Variants in FLRT2 observed in about 807,000 individuals in gnomAD.
FLRT2 encodes the protein leucine-rich repeat transmembrane protein FLRT2.
A neutral mutation model predicts 40.0 loss-of-function variants in FLRT2; 15 were observed. That is an observed-to-expected ratio of 0.38 (90% CI 0.25 to 0.58). FLRT2 has a LOEUF of 0.58. Ranked by LOEUF, FLRT2 falls within the 20% of genes least tolerant of loss-of-function variation. The pLI, the probability that FLRT2 is intolerant of heterozygous loss-of-function variation, is 0.71. For missense variants in FLRT2, 726 were observed against 840.0 expected, an observed-to-expected ratio of 0.86 and a Z score of 1.68; for synonymous variants, 380 against 336.8, an observed-to-expected ratio of 1.13 and a Z score of -1.41.
At chr14:85,568,233 G>C (rs1165038942) in intron 1 of FLRT2, among the ~76,000 whole-genome samples, 1 of 151,616 alleles carries the variant, frequency 6.6e-6, no homozygotes, top group Non-Finnish European at 1.5e-5. Context: ...ATTGCTGGGG[G>C]AAGATCATGG....
chr14:85,558,427 T>C (rs919021014), intron 1 of FLRT2, among the ~76,000 whole-genome samples: 1 of 152,020 alleles, frequency 6.6e-6, no homozygotes, highest in Non-Finnish European at 1.5e-5. Flanking sequence ...GGTGTTCAGG[T>C]GATTTAAAAG....
At chr14:85,579,631 T>A (rs1219502965) in intron 1 of FLRT2, among the ~76,000 whole-genome samples, 1 of 152,152 alleles carries the variant, frequency 6.6e-6, no homozygotes, top group African/African-American at 2.4e-5. Context: ...GGAAATAAAA[T>A]TCTTAGCCCA....
intron 1 of FLRT2, among the ~76,000 whole-genome samples, chr14:85,554,958 A>G (rs1467174904): frequency 6.6e-6 from 1 of 152,202 alleles, no homozygotes; most frequent in East Asian, 1.9e-4. Flanking sequence ...TGTGGATTAA[A>G]GATCTATAAC....
At chr14:85,568,057 G>A (rs1305595131) in intron 1 of FLRT2, among the ~76,000 whole-genome samples, 1 of 152,096 alleles carries the variant, frequency 6.6e-6, no homozygotes, top group African/African-American at 2.4e-5. Flanking sequence ...CAAGAAAGAG[G>A]CCTGACTACT....
intron 1 of FLRT2, among the ~76,000 whole-genome samples, chr14:85,544,326 G>A (rs1157101961): frequency 6.6e-6 from 1 of 152,098 alleles, no homozygotes; most frequent in Non-Finnish European, 1.5e-5. Flanking sequence ...ACCTTTCTTG[G>A]CACTGAGTAA....
At chr14:85,605,190 G>A (rs560605356) in intron 1 of FLRT2, among the ~76,000 whole-genome samples, 1 of 152,194 alleles carries the variant, frequency 6.6e-6, no homozygotes, top group Non-Finnish European at 1.5e-5. Context: ...AGACCATTTA[G>A]GGAGCCCAGA....
chr14:85,540,818 G>A (rs1888944839), intron 1 of FLRT2, among the ~76,000 whole-genome samples: 1 of 152,036 alleles, frequency 6.6e-6, no homozygotes, highest in South Asian at 2.1e-4. Flanking sequence ...GCATAGTTCG[G>A]CAAAATTAAT....
At chr14:85,589,199 C>T (rs932298830) in intron 1 of FLRT2, among the ~76,000 whole-genome samples, 2 of 152,164 alleles carry the variant, frequency 1.3e-5, no homozygotes, top group African/African-American at 2.4e-5. Context: ...CTGTTCTCCA[C>T]AGTGGTTATG....
At chr14:85,620,006 G>C (rs1008396193) in intron 1 of FLRT2, among the ~76,000 whole-genome samples, 2 of 152,190 alleles carry the variant, frequency 1.3e-5, no homozygotes, top group African/African-American at 4.8e-5. Context: ...AACTCTTCAA[G>C]GGATCACAAT....
At chr14:85,538,437 C>T (rs977389984) in intron 1 of FLRT2, among the ~76,000 whole-genome samples, 3 of 152,124 alleles carry the variant, frequency 2.0e-5, no homozygotes, top group Non-Finnish European at 2.9e-5. Context: ...CCATTAGATG[C>T]TCATTAGAAC....
chr14:85,580,413 G>T (rs1229062448), intron 1 of FLRT2, among the ~76,000 whole-genome samples: 1 of 152,178 alleles, frequency 6.6e-6, no homozygotes, highest in African/African-American at 2.4e-5. Context: ...ATTTGCAAAA[G>T]AAGTTTGTGT....
At position 85,651,335 on chromosome 14, in the gene FLRT2, C is replaced by T. The variant is rs1225950352; in HGVS notation, c.*27838C>T. On this transcript the variant is annotated 3_prime_UTR_variant, in exon 2 of 2. Coordinates refer to ENST00000330753, the MANE Select transcript of FLRT2 (RefSeq NM_013231.6). ...TATGTTTTAGCAATTTGGTCAGTTGCTTTAAATTAGAGATTTTGCCTGATT... is the reference window on the plus strand; with the variant it reads ...TATGTTTTAGCAATTTGGTCAGTTGTTTTAAATTAGAGATTTTGCCTGATT... 2 of 151,074 alleles carry T rather than the reference C, an allele frequency of 1.3e-5. No individual in the cohort carries two copies. Among genetic ancestry groups the T allele is most frequent in the East Asian group, 3.9e-4 (2 of 5,158 alleles). 9.4% of individuals were successfully genotyped at this position (151,074 alleles called of 1,614,324 possible).
chr14:85,606,800 G>A (rs1892638691), intron 1 of FLRT2, among the ~76,000 whole-genome samples: 1 of 150,868 alleles, frequency 6.6e-6, no homozygotes, highest in South Asian at 2.1e-4. Context: ...TGGGATTACA[G>A]CTTGAGCCAC....
Position 85,651,719 on chromosome 14 carries a change from A to G in FLRT2, c.*28222A>G, listed in dbSNP as rs1894437859. 6.6e-6 allele frequency: 1 copy of G among 151,712 alleles called. No individual in the cohort carries two copies. Among genetic ancestry groups the G allele is most frequent in the African/African-American group, 2.4e-5 (1 of 41,306 alleles). 9.4% of individuals were successfully genotyped at this position (151,712 alleles called of 1,614,324 possible). A position where few individuals can be genotyped will look rare whatever the true frequency, so the allele number is the denominator to read the frequency against. On this transcript the variant is annotated 3_prime_UTR_variant, in exon 2 of 2. Transcript: ENST00000330753. ...CTTTTTTCTTATTTTTATCCTTTCT[A>G]TGTCTTTATGATTAAATTGTGTGCC...
Position 85,634,443 on chromosome 14 carries a change from C to G in FLRT2, c.*10946C>G, listed in dbSNP as rs555534041. 1.3e-5 allele frequency: 2 copies of G among 152,170 alleles called. No homozygotes were observed. Among genetic ancestry groups the G allele is most frequent in the Non-Finnish European group, 2.9e-5 (2 of 68,038 alleles). The allele number at this position is 152,170 out of a possible 1,614,324, so 9.4% of individuals were successfully genotyped here. A position where few individuals can be genotyped will look rare whatever the true frequency, so the allele number is the denominator to read the frequency against. ...CCCTCATTAGTTGGAATATAGCATG[C>G]TTTACTAGTGTATCTGAAGTAAGGA... On this transcript the variant is annotated 3_prime_UTR_variant, in exon 2 of 2. Transcript: ENST00000330753.
intron 1 of FLRT2, among the ~76,000 whole-genome samples, chr14:85,617,945 C>T (rs1893206545): frequency 6.6e-6 from 1 of 152,184 alleles, no homozygotes; most frequent in Non-Finnish European, 1.5e-5. Flanking sequence ...TTCAGAACCA[C>T]ATCATCTTCT....
chr14:85,587,768 T>A (rs1183724346), intron 1 of FLRT2, among the ~76,000 whole-genome samples: 5 of 152,198 alleles, frequency 3.3e-5, no homozygotes, highest in Non-Finnish European at 7.3e-5. Context: ...GATATTAATA[T>A]GAGAATATTT....
At chr14:85,546,514 C>T (rs2139817700) in intron 1 of FLRT2, among the ~76,000 whole-genome samples, 1 of 152,254 alleles carries the variant, frequency 6.6e-6, no homozygotes, top group East Asian at 1.9e-4. Context: ...GCAGCCAGCT[C>T]CATTACCACA....
At chr14:85,601,978 C>A (rs1343637484) in intron 1 of FLRT2, among the ~76,000 whole-genome samples, 1 of 152,036 alleles carries the variant, frequency 6.6e-6, no homozygotes, top group Non-Finnish European at 1.5e-5. Flanking sequence ...TGTCTACCAC[C>A]AACAATGATT....
Sources: allele counts gnomAD v4.1 joint callset (sites outside exome capture counted in the v4.1 genomes callset), GRCh38; gene constraint gnomAD v4.1.1; transcripts MANE v1.5; gene names NCBI Gene and HGNC (gene_info 2026-07-23, HGNC 2026-07-21).